Variants in ZBTB20 observed in about 807,000 individuals in gnomAD.
The protein encoded by ZBTB20 is zinc finger and BTB domain containing 20, also known as zinc finger and BTB domain-containing protein 20.
In ZBTB20, 9 loss-of-function variants were observed where a neutral mutation model predicts 56.9. The ratio of observed to expected loss-of-function variants is 0.16; its 90% CI spans 0.10 to 0.28. The LOEUF is 0.28. Among genes scored for constraint, ZBTB20 ranks in the 10% least tolerant of loss-of-function variants. ZBTB20 has a pLI of 1.00. For synonymous variants in ZBTB20, 417 were observed against 420.7 expected (o/e 0.99, Z 0.11); for missense variants, 655 against 1,003.0 (o/e 0.65, Z 4.69).
At chr3:114,579,380 T>C (rs1336837624) in intron 6 of ZBTB20, among the ~76,000 whole-genome samples, 1 of 151,536 alleles carries the variant, frequency 6.6e-6, no homozygotes. Context: ...ATATTTAAAA[T>C]TGAACAAAAC....
chr3:114,715,145 CACATTA>C (rs1315539234), intron 5 of ZBTB20, among the ~76,000 whole-genome samples: 1 of 152,208 alleles, frequency 6.6e-6, no homozygotes, highest in Non-Finnish European at 1.5e-5. Context: ...CATTCTGCTA[CACATTA>C]ACTAATTCCT....
intron 7 of ZBTB20, among the ~76,000 whole-genome samples, chr3:114,431,718 G>A (rs973283140): frequency 2.0e-5 from 3 of 152,140 alleles, no homozygotes; most frequent in Non-Finnish European, 2.9e-5. Flanking sequence ...AATATCTACA[G>A]TGAGATCCTA....
chr3:114,409,908 A>G (rs962678824), intron 7 of ZBTB20, among the ~76,000 whole-genome samples: 2 of 152,212 alleles, frequency 1.3e-5, no homozygotes, highest in African/African-American at 4.8e-5. Context: ...GGACTTTTAT[A>G]TAGGGTGACT....
intron 2 of ZBTB20, among the ~76,000 whole-genome samples, chr3:115,003,235 T>C (rs369479113): frequency 6.6e-6 from 1 of 151,610 alleles, no homozygotes; most frequent in Admixed American, 6.6e-5. Flanking sequence ...CATAACATCA[T>C]GCATTTGTCA....
At chr3:114,994,473 T>C (rs2078947355) in intron 2 of ZBTB20, among the ~76,000 whole-genome samples, 1 of 151,938 alleles carries the variant, frequency 6.6e-6, no homozygotes. Flanking sequence ...TTAGTAATAT[T>C]TTCACAACAA....
chr3:114,628,324 GA>G (rs1344068899), intron 6 of ZBTB20, among the ~76,000 whole-genome samples: 1 of 152,072 alleles, frequency 6.6e-6, no homozygotes, highest in Non-Finnish European at 1.5e-5. Flanking sequence ...GGCGTTTAAG[GA>G]AAATAGCTTT....
intron 5 of ZBTB20, among the ~76,000 whole-genome samples, chr3:114,736,906 ATGTTCCC>A (rs2066207576): frequency 6.6e-6 from 1 of 152,200 alleles, no homozygotes; most frequent in South Asian, 2.1e-4. Context: ...GAAAGGAGTT[ATGTTCCC>A]TGATCAAATG....
At chr3:115,011,700 A>AACATCTAATGAGC (rs1403155686) in intron 2 of ZBTB20, among the ~76,000 whole-genome samples, 8 of 151,840 alleles carry the variant, frequency 5.3e-5, no homozygotes, top group Admixed American at 1.3e-4. Context: ...AATGAGCAAT[A>AACATCTAATGAGC]AAAAAATCAT....
At chr3:114,378,347 A>C (rs971470949) in intron 10 of ZBTB20, among the ~76,000 whole-genome samples, 1 of 152,220 alleles carries the variant, frequency 6.6e-6, no homozygotes, top group Non-Finnish European at 1.5e-5. Flanking sequence ...TCTTAATGGC[A>C]AAATCAAAGT....
Position 114,383,300 on chromosome 3 carries a change from C to T in ZBTB20, c.-153-2360G>A, listed in dbSNP as rs140271678. On this transcript the variant is annotated intron_variant, in intron 8 of 11. Coordinates refer to ENST00000675478, the MANE Select transcript of ZBTB20 (RefSeq NM_001348800.3). ...TCATAGACAGGGCCTAGGATACTTT[C>T]AGATGTGTGCTTCAGAAAATTAAGA... 3.4e-3 allele frequency among the ~76,000 whole-genome samples: 520 copies of T among 152,332 alleles called. 3 individuals are homozygous for T. The highest frequency in any genetic ancestry group is 0.014 in the Middle Eastern group (4 of 294).
chr3:114,995,241 A>G (rs2078977504), intron 2 of ZBTB20, among the ~76,000 whole-genome samples: 1 of 151,914 alleles, frequency 6.6e-6, no homozygotes, highest in South Asian at 2.1e-4. Context: ...ACAAAATTCA[A>G]GCAAATATGG....
chr3:114,476,725 C>A (rs1346179675), intron 7 of ZBTB20, among the ~76,000 whole-genome samples: 2 of 152,218 alleles, frequency 1.3e-5, no homozygotes, highest in Non-Finnish European at 2.9e-5. Context: ...TATTAGGCCC[C>A]ACCTTCCAAC....
chr3:114,518,474 T>C (rs924844356), intron 6 of ZBTB20: 4 of 152,230 alleles, frequency 2.6e-5, no homozygotes, highest in Non-Finnish European at 5.9e-5. Flanking sequence ...GAAAAAAGAA[T>C]CTTCAAATAT....
At chr3:114,360,075 C>T (rs111344580) in intron 10 of ZBTB20, among the ~76,000 whole-genome samples, 1,652 of 149,808 alleles carry the variant, frequency 0.011, 31 homozygotes, top group African/African-American at 0.037. Context: ...TGGACTTAAA[C>T]GAGTGAGAAA....
At chr3:114,500,570 C>G (rs115041819) in intron 6 of ZBTB20, among the ~76,000 whole-genome samples, 179 bp from the exon 7 acceptor site, 1,624 of 152,252 alleles carry the variant, frequency 0.011, 27 homozygotes, top group African/African-American at 0.037. Flanking sequence ...GGAGACCCAG[C>G]TTCATAAAAA....
chr3:114,821,562 G>A (rs552881800), intron 4 of ZBTB20, among the ~76,000 whole-genome samples: 2 of 152,160 alleles, frequency 1.3e-5, no homozygotes, highest in South Asian at 2.1e-4. Context: ...AAGAAGAAGC[G>A]TCTACATCAA....
intron 5 of ZBTB20, among the ~76,000 whole-genome samples, chr3:114,711,803 C>T (rs1050159309): frequency 1.3e-5 from 2 of 152,182 alleles, no homozygotes; most frequent in African/African-American, 2.4e-5. Flanking sequence ...GAGAGTAGAG[C>T]TTCAATAAAT....
chr3:114,943,002 G>A (rs2076770571), intron 3 of ZBTB20, among the ~76,000 whole-genome samples: 1 of 144,812 alleles, frequency 6.9e-6, no homozygotes, highest in South Asian at 2.1e-4. Flanking sequence ...CCTCTTTCTT[G>A]GAGTGAGAAA....
chr3:114,784,978 G>A (rs1268986277), intron 5 of ZBTB20, among the ~76,000 whole-genome samples: 1 of 152,082 alleles, frequency 6.6e-6, no homozygotes, highest in Non-Finnish European at 1.5e-5. Flanking sequence ...TTATAAACAA[G>A]GAAACTGAGG....
Sources: allele counts gnomAD v4.1 joint callset (sites outside exome capture counted in the v4.1 genomes callset), GRCh38; gene constraint gnomAD v4.1.1; transcripts MANE v1.5; gene names NCBI Gene and HGNC (gene_info 2026-07-23, HGNC 2026-07-21).